The following LHPP variants were observed in gnomAD, a reference collection of about 807,000 sequenced individuals.
LHPP encodes phospholysine phosphohistidine inorganic pyrophosphate phosphatase, also known as hLHPP.
A neutral mutation model predicts 30.3 loss-of-function variants in LHPP; 24 were observed. The ratio of observed to expected loss-of-function variants is 0.79; its 90% CI spans 0.57 to 1.11. LHPP has a LOEUF of 1.11. Among genes scored for constraint, LHPP ranks in the 50% most tolerant of loss-of-function variants. LHPP has a pLI of 0.00. For synonymous variants in LHPP, 150 were observed against 157.1 expected (o/e 0.95, Z 0.34); for missense variants, 356 against 367.2 (o/e 0.97, Z 0.25).
intron 1 of LHPP, among the ~76,000 whole-genome samples, chr10:124,480,222 C>T (rs1180510668): frequency 6.6e-6 from 1 of 152,026 alleles, no homozygotes. Context: ...GGGGTGTGGT[C>T]CGGGGCGCAG....
At chr10:124,481,314 A>G (rs1161411268) in intron 1 of LHPP, among the ~76,000 whole-genome samples, 1 of 148,644 alleles carries the variant, frequency 6.7e-6, no homozygotes, top group East Asian at 2.0e-4. Flanking sequence ...ACTACCACTC[A>G]TGGCTGTATT....
At chr10:124,483,989 C>T in intron 1 of LHPP, 150 bp from the exon 2 acceptor site, 1 of 674,952 alleles carries the variant, frequency 1.5e-6, no homozygotes, top group Admixed American at 2.9e-5. Flanking sequence ...TGAACACATC[C>T]TGGATCAGCC....
chr10:124,486,198 C>T (rs887481306), intron 2 of LHPP, among the ~76,000 whole-genome samples: 6 of 152,164 alleles, frequency 3.9e-5, no homozygotes, highest in South Asian at 2.1e-4. Context: ...AACCCAACCC[C>T]GTGAAGAGCT....
At chr10:124,463,423 C>T (rs1254949) in intron 1 of LHPP, among the ~76,000 whole-genome samples, 55,307 of 150,870 alleles carry the variant, frequency 0.37, 10,248 homozygotes, top group East Asian at 0.43. Flanking sequence ...AGTGCAGTGG[C>T]GCCATCTGGG....
intron 6 of LHPP, among the ~76,000 whole-genome samples, chr10:124,547,218 C>T (rs1955371535): frequency 6.6e-6 from 1 of 152,200 alleles, no homozygotes; most frequent in Admixed American, 6.5e-5. Context: ...GCACACCTGT[C>T]CTCGGTGTGG....
intron 6 of LHPP, among the ~76,000 whole-genome samples, chr10:124,607,879 G>A (rs537771608): frequency 6.0e-4 from 91 of 152,326 alleles, no homozygotes; most frequent in Non-Finnish European, 9.8e-4. Flanking sequence ...CCTTGTAAGC[G>A]TGGGCTGGGT....
intron 6 of LHPP, among the ~76,000 whole-genome samples, chr10:124,542,774 C>A (rs186456339): frequency 6.6e-6 from 1 of 152,200 alleles, no homozygotes; most frequent in African/African-American, 2.4e-5. Context: ...CGCCTCCTTG[C>A]CCCTACTCTC....
intron 6 of LHPP, among the ~76,000 whole-genome samples, chr10:124,562,929 C>T (rs962619748): frequency 6.9e-6 from 1 of 145,342 alleles, no homozygotes; most frequent in African/African-American, 2.6e-5. Flanking sequence ...AAGAAAGATA[C>T]CATCTAAAAA....
chr10:124,556,952 T>G (rs1053537983), intron 6 of LHPP, among the ~76,000 whole-genome samples: 4 of 152,178 alleles, frequency 2.6e-5, no homozygotes, highest in African/African-American at 9.7e-5. Flanking sequence ...AGAAGATGCT[T>G]CTTTTTTGTT....
At chr10:124,512,799 G>A (rs982618686) in intron 5 of LHPP, among the ~76,000 whole-genome samples, 1 of 152,126 alleles carries the variant, frequency 6.6e-6, no homozygotes, top group African/African-American at 2.4e-5. Flanking sequence ...CCACCCCACT[G>A]CTCTAGCTCA....
At chr10:124,604,551 T>C (rs10794164) in intron 6 of LHPP, among the ~76,000 whole-genome samples, 137,319 of 152,202 alleles carry the variant, frequency 0.9, 62,483 homozygotes, top group East Asian at 1. Flanking sequence ...CTTGCCAGGG[T>C]CAGGCTCTGG....
chr10:124,539,499 G>A (rs1955122245), intron 6 of LHPP, among the ~76,000 whole-genome samples: 1 of 152,118 alleles, frequency 6.6e-6, no homozygotes, highest in Non-Finnish European at 1.5e-5. Flanking sequence ...GGTGGCTCAT[G>A]CTTGTAATCC....
At chr10:124,486,013 A>T (rs751925817) in intron 2 of LHPP, among the ~76,000 whole-genome samples, 8 of 152,206 alleles carry the variant, frequency 5.3e-5, no homozygotes, top group Non-Finnish European at 1.0e-4. Context: ...TATTATTTAG[A>T]TGCATTTCCG....
At chr10:124,566,690 G>A (rs1691380344) in intron 6 of LHPP, among the ~76,000 whole-genome samples, 1 of 152,164 alleles carries the variant, frequency 6.6e-6, no homozygotes, top group South Asian at 2.1e-4. Flanking sequence ...GATGGATGGA[G>A]TCGCAGCAGA....
chr10:124,578,103 C>T (rs1177093696), intron 6 of LHPP, among the ~76,000 whole-genome samples: 2 of 152,222 alleles, frequency 1.3e-5, no homozygotes, highest in African/African-American at 4.8e-5. Flanking sequence ...ACCTGAGTCG[C>T]TCTTCCTCCC....
intron 5 of LHPP, among the ~76,000 whole-genome samples, chr10:124,504,368 G>A (rs1301089185): frequency 6.7e-6 from 1 of 150,070 alleles, no homozygotes; most frequent in East Asian, 2.0e-4. Flanking sequence ...GAGGTGGGCA[G>A]GTCATTAGAG....
intron 6 of LHPP, among the ~76,000 whole-genome samples, chr10:124,534,427 C>A (rs373131151): frequency 6.6e-6 from 1 of 152,256 alleles, no homozygotes; most frequent in Non-Finnish European, 1.5e-5. Context: ...AGGCCGAGGA[C>A]GGCTTAGACG....
chr10:124,558,551 G>T (rs1313972698), intron 6 of LHPP, among the ~76,000 whole-genome samples: 1 of 152,202 alleles, frequency 6.6e-6, no homozygotes, highest in Non-Finnish European at 1.5e-5. Flanking sequence ...AAGCCAGAAG[G>T]CTTCCAGGGG....
At position 124,513,462 on chromosome 10, in the gene LHPP, C is replaced by CTTTTT. The variant is rs34225779; in HGVS notation, c.625-3702_625-3698dup. On this transcript the variant is annotated intron_variant, in intron 5 of 6. Coordinates refer to ENST00000368842, the MANE Select transcript of LHPP (RefSeq NM_022126.4). ...TTTTTTTTCTTTAAAATTATTATTACTTTTTTTTTTTTTTTTTTTTGAGAC... is the reference window on the plus strand; with the variant it reads ...TTTTTTTTCTTTAAAATTATTATTACTTTTTTTTTTTTTTTTTTTTTTTTTGAGAC... Among the ~76,000 whole-genome samples the CTTTTT allele has an allele frequency of 5.4e-5, 5 of 92,216 alleles. 1 individual carries two copies. Among genetic ancestry groups the CTTTTT allele is most frequent in the African/African-American group, 1.9e-4 (4 of 21,372 alleles). The allele number at this position is 92,216 out of a possible 152,430, so 60.5% of individuals were successfully genotyped here.
Sources: allele counts gnomAD v4.1 joint callset (sites outside exome capture counted in the v4.1 genomes callset), GRCh38; gene constraint gnomAD v4.1.1; transcripts MANE v1.5; gene names NCBI Gene and HGNC (gene_info 2026-07-23, HGNC 2026-07-21).